Variants in COMMD10 observed in about 807,000 individuals in gnomAD.
The protein encoded by COMMD10 is COMM domain containing 10, also known as COMM domain-containing protein 10.
In COMMD10, 33 loss-of-function variants were observed where a neutral mutation model predicts 28.9. The ratio of observed to expected loss-of-function variants is 1.14; its 90% CI spans 0.87 to 1.53. The LOEUF (loss-of-function observed/expected upper bound fraction) is 1.53. COMMD10 is among the 40% of genes most tolerant of loss of function. The probability of loss-of-function intolerance (pLI) is 0.00; values close to 1 mark genes in which losing one functional copy is unlikely to be tolerated. For missense variants in COMMD10, 310 were observed against 233.4 expected (o/e 1.33, Z -2.14); for synonymous variants, 110 against 81.7 (o/e 1.35, Z -1.87).
At chr5:116,162,885 A>G (rs1221466399) in intron 5 of COMMD10, among the ~76,000 whole-genome samples, 1 of 144,114 alleles carries the variant, frequency 6.9e-6, no homozygotes, top group Non-Finnish European at 1.5e-5. Context: ...TTAAAAAATT[A>G]TCAGATATTC....
intron 4 of COMMD10, among the ~76,000 whole-genome samples, chr5:116,119,743 C>G (rs567661445): frequency 2.0e-5 from 3 of 152,030 alleles, no homozygotes; most frequent in Admixed American, 6.6e-5. Flanking sequence ...TCCCAAGTAA[C>G]TAGGACTACA....
intron 5 of COMMD10, among the ~76,000 whole-genome samples, chr5:116,280,297 T>G (rs529493553): frequency 6.6e-6 from 1 of 151,940 alleles, no homozygotes; most frequent in Admixed American, 6.6e-5. Context: ...AAGTAGAAAT[T>G]TATTCATTCA....
intron 5 of COMMD10, among the ~76,000 whole-genome samples, chr5:116,283,113 A>C (rs375077526): frequency 6.6e-6 from 1 of 151,900 alleles, no homozygotes; most frequent in African/African-American, 2.4e-5. Context: ...AACATCTTAC[A>C]TATAAATGCT....
chr5:116,198,135 C>G (rs1370420218), intron 5 of COMMD10, among the ~76,000 whole-genome samples: 6 of 152,106 alleles, frequency 3.9e-5, no homozygotes, highest in Non-Finnish European at 8.8e-5. Flanking sequence ...ACATTGTACT[C>G]TTAAGCAGAA....
chr5:116,169,829 G>C (rs916846421), intron 5 of COMMD10, among the ~76,000 whole-genome samples: 5 of 152,138 alleles, frequency 3.3e-5, no homozygotes, highest in Admixed American at 2.6e-4. Flanking sequence ...GGTACTGATG[G>C]GACGTATCTC....
At chr5:116,146,392 G>A (rs1323768399) in intron 5 of COMMD10, among the ~76,000 whole-genome samples, 1 of 151,830 alleles carries the variant, frequency 6.6e-6, no homozygotes, top group African/African-American at 2.4e-5. Context: ...AATTTTGTAT[G>A]TTGTTTGAAT....
chr5:116,128,485 T>C (rs1751736497), intron 4 of COMMD10, among the ~76,000 whole-genome samples: 1 of 152,032 alleles, frequency 6.6e-6, no homozygotes, highest in Non-Finnish European at 1.5e-5. Context: ...ATTGATATGA[T>C]GTACACAGGA....
intron 5 of COMMD10, among the ~76,000 whole-genome samples, chr5:116,163,187 T>C: frequency 6.6e-6 from 1 of 151,458 alleles, no homozygotes; most frequent in Non-Finnish European, 1.5e-5. Flanking sequence ...AGATAGAATG[T>C]ATTTCTTAGT....
At chr5:116,206,879 G>GT (rs1177762354) in intron 5 of COMMD10, among the ~76,000 whole-genome samples, 4 of 152,094 alleles carry the variant, frequency 2.6e-5, no homozygotes, top group Non-Finnish European at 5.9e-5. Flanking sequence ...ACCTGATTCT[G>GT]TTGGATTGGT....
chr5:116,173,110 C>A (rs1286086858), intron 5 of COMMD10, among the ~76,000 whole-genome samples: 1 of 151,898 alleles, frequency 6.6e-6, no homozygotes, highest in Non-Finnish European at 1.5e-5. Flanking sequence ...GTAGTAAATA[C>A]TAAGGTTAAG....
intron 4 of COMMD10, among the ~76,000 whole-genome samples, chr5:116,130,656 C>G (rs1751834543): frequency 6.6e-6 from 1 of 151,992 alleles, no homozygotes; most frequent in South Asian, 2.1e-4. Flanking sequence ...ATCAAATAGT[C>G]TGTGACCCAA....
intron 5 of COMMD10, among the ~76,000 whole-genome samples, chr5:116,208,867 G>GT (rs1185504483): frequency 2.0e-5 from 3 of 152,132 alleles, no homozygotes; most frequent in Non-Finnish European, 1.5e-5. Context: ...CTTTTACACA[G>GT]TTACTGCTGT....
At chr5:116,108,087 C>T (rs1337136628) in intron 4 of COMMD10, among the ~76,000 whole-genome samples, 1 of 152,312 alleles carries the variant, frequency 6.6e-6, no homozygotes, top group South Asian at 2.1e-4. Context: ...AGCCCCAGCT[C>T]TCCTGTATGA....
Position 116,117,750 on chromosome 5 carries a change from G to A in COMMD10, c.400-16318G>A, listed in dbSNP as rs1751288369. On this transcript the variant is annotated intron_variant, in intron 4 of 6. Transcript: ENST00000274458. The stretch of plus-strand genomic sequence containing the variant: ...CAAAATACTAGGATTACAGGTGTGA[G>A]CCACCACACCTGGCCTGATTTTAGT... Among the ~76,000 whole-genome samples the A allele has an allele frequency of 2.0e-5, 3 of 152,176 alleles. No individual in the cohort carries two copies. The South Asian group carries it at 6.2e-4, about 32-fold the overall frequency.
intron 5 of COMMD10, among the ~76,000 whole-genome samples, chr5:116,199,170 T>C (rs757882019): frequency 4.6e-5 from 7 of 152,128 alleles, no homozygotes; most frequent in Non-Finnish European, 8.8e-5. Context: ...TGTGTAGTAG[T>C]TTCTCATTTT....
chr5:116,112,145 AAAG>A (rs1413789823), intron 4 of COMMD10, among the ~76,000 whole-genome samples: 1 of 152,170 alleles, frequency 6.6e-6, no homozygotes, highest in Non-Finnish European at 1.5e-5. Flanking sequence ...TCTGTCTGGG[AAAG>A]AAGATTATTT....
intron 5 of COMMD10, among the ~76,000 whole-genome samples, chr5:116,140,538 C>T (rs981824444): frequency 4.6e-5 from 7 of 151,850 alleles, no homozygotes; most frequent in African/African-American, 1.7e-4. Flanking sequence ...TACATTTCCA[C>T]CATCAGTGTA....
chr5:116,118,975 A>G (rs1048287665), intron 4 of COMMD10, among the ~76,000 whole-genome samples: 24 of 152,228 alleles, frequency 1.6e-4, no homozygotes, highest in African/African-American at 5.8e-4. Flanking sequence ...CAGTATTCAA[A>G]GATGTGCATT....
intron 5 of COMMD10, among the ~76,000 whole-genome samples, chr5:116,237,098 A>G (rs961701490): frequency 6.6e-6 from 1 of 152,160 alleles, no homozygotes; most frequent in Non-Finnish European, 1.5e-5. Flanking sequence ...GACTGTGGCT[A>G]TCTGAATGAA....
Sources: gnomAD v4.1 joint callset for allele counts (sites outside exome capture counted in the v4.1 genomes callset) on GRCh38, gnomAD v4.1.1 for gene constraint, MANE v1.5 for transcripts, NCBI Gene and HGNC (gene_info 2026-07-23, HGNC 2026-07-21) for gene names.